LPP: variants seen among roughly 807,000 people sequenced by gnomAD.
LPP encodes LIM domain containing preferred translocation partner in lipoma, also known as lipoma-preferred partner.
In LPP, 38 loss-of-function variants were observed where a neutral mutation model predicts 60.4. That is an observed-to-expected ratio of 0.63 (90% CI 0.49 to 0.83). LPP has a LOEUF of 0.83. Ranked by LOEUF, LPP falls within the 40% of genes least tolerant of loss-of-function variation. LPP has a pLI of 0.00. For synonymous variants in LPP, 328 were observed against 290.8 expected, an observed-to-expected ratio of 1.13 and a Z score of -1.30; for missense variants, 902 against 783.6, an observed-to-expected ratio of 1.15 and a Z score of -1.80.
At chr3:188,860,609 T>TGC (rs1764961135) in intron 9 of LPP, among the ~76,000 whole-genome samples, 1 of 150,756 alleles carries the variant, frequency 6.6e-6, no homozygotes, top group Non-Finnish European at 1.5e-5. Context: ...TGAGAAGTTC[T>TGC]AGACTGGAGA....
At chr3:188,224,081 G>A (rs990776798) in intron 1 of LPP, among the ~76,000 whole-genome samples, 3 of 152,098 alleles carry the variant, frequency 2.0e-5, no homozygotes, top group Admixed American at 6.5e-5. Flanking sequence ...TTTGGCTCTA[G>A]GTGTGACTCA....
chr3:188,747,060 T>C (rs1166122106), intron 8 of LPP, among the ~76,000 whole-genome samples: 1 of 152,204 alleles, frequency 6.6e-6, no homozygotes, highest in Non-Finnish European at 1.5e-5. Context: ...TCGGTGTATT[T>C]ATTTTATAAA....
intron 5 of LPP, among the ~76,000 whole-genome samples, chr3:188,513,272 G>A (rs1816352473): frequency 6.6e-6 from 1 of 152,226 alleles, no homozygotes; most frequent in African/African-American, 2.4e-5. Flanking sequence ...TAACTGGTAA[G>A]GTGACGCTCT....
At chr3:188,525,843 A>C (rs1820439439) in intron 6 of LPP, among the ~76,000 whole-genome samples, 1 of 152,198 alleles carries the variant, frequency 6.6e-6, no homozygotes, top group African/African-American at 2.4e-5. Context: ...GTGTTTTGTA[A>C]GTGCAAATGG....
intron 6 of LPP, among the ~76,000 whole-genome samples, chr3:188,589,054 A>G (rs1220400219): frequency 2.0e-5 from 3 of 151,994 alleles, no homozygotes; most frequent in Non-Finnish European, 4.4e-5. Context: ...TCTCCCTACT[A>G]CAAAAAGCTC....
intron 9 of LPP, among the ~76,000 whole-genome samples, chr3:188,853,190 A>T (rs940864520): frequency 2.0e-5 from 3 of 152,098 alleles, no homozygotes; most frequent in Non-Finnish European, 2.9e-5. Flanking sequence ...AGGCAGCATC[A>T]CTGCTATGAC....
At chr3:188,606,148 C>A (rs188194409) in intron 6 of LPP, among the ~76,000 whole-genome samples, 1 of 152,292 alleles carries the variant, frequency 6.6e-6, no homozygotes. Context: ...TTCACCTCCA[C>A]AGTACTCTCT....
At chr3:188,820,947 G>A (rs890449573) in intron 9 of LPP, among the ~76,000 whole-genome samples, 17 of 151,902 alleles carry the variant, frequency 1.1e-4, no homozygotes, top group African/African-American at 3.1e-4. Flanking sequence ...CCATGTCATC[G>A]TTTACATATA....
intron 7 of LPP, among the ~76,000 whole-genome samples, chr3:188,619,959 A>G (rs1340773851): frequency 2.0e-5 from 3 of 152,096 alleles, no homozygotes; most frequent in Non-Finnish European, 4.4e-5. Flanking sequence ...AAACTTCAAG[A>G]TCTGTCTCTA....
intron 3 of LPP, among the ~76,000 whole-genome samples, chr3:188,366,918 A>G (rs1161778246): frequency 1.3e-5 from 2 of 149,582 alleles, no homozygotes; most frequent in Non-Finnish European, 3.0e-5. Flanking sequence ...TTTTTTTGAG[A>G]CAGAGTCTCG....
intron 3 of LPP, among the ~76,000 whole-genome samples, chr3:188,394,248 A>G (rs1054245798): frequency 6.6e-6 from 1 of 152,224 alleles, no homozygotes; most frequent in Non-Finnish European, 1.5e-5. Flanking sequence ...GCTATGTATT[A>G]GAGGTTTTGT....
intron 3 of LPP, among the ~76,000 whole-genome samples, chr3:188,354,493 A>G (rs1376952695): frequency 1.3e-5 from 2 of 152,172 alleles, no homozygotes; most frequent in African/African-American, 4.8e-5. Flanking sequence ...TTTTCAATGT[A>G]TATAATAACT....
intron 1 of LPP, among the ~76,000 whole-genome samples, chr3:188,188,187 A>G (rs1727144897): frequency 6.6e-6 from 1 of 152,242 alleles, no homozygotes; most frequent in African/African-American, 2.4e-5. Flanking sequence ...GACATATGCC[A>G]GTTGACTACA....
intron 6 of LPP, among the ~76,000 whole-genome samples, chr3:188,587,533 C>T (rs573350321): frequency 7.9e-5 from 12 of 152,226 alleles, no homozygotes; most frequent in South Asian, 2.1e-4. Context: ...ATATTATATA[C>T]GCCATACAAT....
chr3:188,267,776 A>G (rs1012221693), intron 2 of LPP, among the ~76,000 whole-genome samples: 5 of 152,138 alleles, frequency 3.3e-5, no homozygotes, highest in African/African-American at 1.2e-4. Flanking sequence ...ATGGGCTTTG[A>G]TGAAACCCTT....
At chr3:188,187,005 C>T (rs1008127038) in intron 1 of LPP, among the ~76,000 whole-genome samples, 4 of 152,214 alleles carry the variant, frequency 2.6e-5, no homozygotes, top group South Asian at 2.1e-4. Flanking sequence ...TTGACAGTTT[C>T]GCTTCACTCA....
intron 7 of LPP, among the ~76,000 whole-genome samples, chr3:188,674,302 GTT>G (rs1270820708): frequency 1.3e-5 from 2 of 152,062 alleles, no homozygotes; most frequent in Non-Finnish European, 2.9e-5. Flanking sequence ...TCAACTCTAT[GTT>G]TCCCAACTTT....
chr3:188,749,263 A>G (rs1269473118), intron 8 of LPP, among the ~76,000 whole-genome samples: 2 of 152,170 alleles, frequency 1.3e-5, no homozygotes, highest in Non-Finnish European at 1.5e-5. Context: ...AGCTCTGTGC[A>G]TCTTGAGAGA....
Position 188,203,566 on chromosome 3 carries a change from A to AATATATATTTAAATAT in LPP, c.-189-21817_-189-21802dup, listed in dbSNP as rs1406136549. On this transcript the variant is annotated intron_variant, in intron 1 of 11. Coordinates refer to ENST00000617246, the MANE Select transcript of LPP (RefSeq NM_001375462.1). ...ATATATATATTTTTAAATATATATAAATATATATTTAAATATATATATATT... is the reference window on the plus strand; with the variant it reads ...ATATATATATTTTTAAATATATATAAATATATATTTAAATATATATATATTTAAATATATATATATT... Among the ~76,000 whole-genome samples the AATATATATTTAAATAT allele has an allele frequency of 4.1e-5, 4 of 97,198 alleles. No homozygotes were observed. The South Asian group carries it at 8.8e-4, about 21-fold the overall frequency. 63.8% of individuals were successfully genotyped at this position (97,198 alleles called of 152,430 possible).
Sources: gnomAD v4.1 joint callset for allele counts (sites outside exome capture counted in the v4.1 genomes callset) on GRCh38, gnomAD v4.1.1 for gene constraint, MANE v1.5 for transcripts, NCBI Gene and HGNC (gene_info 2026-07-23, HGNC 2026-07-21) for gene names.